NUBPL: variants seen among roughly 807,000 people sequenced by gnomAD.
The protein encoded by NUBPL is NUBP iron-sulfur cluster assembly factor, mitochondrial, also known as iron-sulfur cluster transfer protein NUBPL.
In NUBPL, 31 loss-of-function variants were observed where a neutral mutation model predicts 45.7. That is an observed-to-expected ratio of 0.68 (90% CI 0.51 to 0.92). The LOEUF is 0.92. Among genes scored for constraint, NUBPL ranks in the 40% least tolerant of loss-of-function variants. The pLI is 0.00. For missense variants in NUBPL, 401 were observed against 398.7 expected (o/e 1.01, Z -0.05); for synonymous variants, 144 against 140.9 (o/e 1.02, Z -0.15).
At position 31,798,173 on chromosome 14, in the gene NUBPL, A is replaced by C. The variant is rs113329978; in HGVS notation, c.607+10300A>C. Among the ~76,000 whole-genome samples, 1,321 of 152,020 alleles carry C rather than the reference A, an allele frequency of 8.7e-3. 12 individuals carry two copies. The highest frequency in any genetic ancestry group is 0.015 in the Non-Finnish European group (1,001 of 67,978). ...GCTGATTCATTCCTATGAGTGCCTC[A>C]CCCTGACTGCTTCTCACCCAAGTGT... On this transcript the variant is annotated intron_variant, in intron 7 of 10. Transcript: ENST00000281081.
intron 6 of NUBPL, among the ~76,000 whole-genome samples, chr14:31,706,584 A>T (rs1016380430): frequency 2.0e-5 from 3 of 152,160 alleles, no homozygotes; most frequent in African/African-American, 7.2e-5. Context: ...GGCATCTTCT[A>T]CTATCCCTTA....
chr14:31,637,002 TG>T (rs1223172414), intron 4 of NUBPL, among the ~76,000 whole-genome samples: 2 of 152,230 alleles, frequency 1.3e-5, no homozygotes, highest in African/African-American at 4.8e-5. Context: ...TTAGTCTTGC[TG>T]GTGGTCTATC....
intron 3 of NUBPL, among the ~76,000 whole-genome samples, chr14:31,576,012 A>T (rs539578564): frequency 3.5e-4 from 54 of 152,346 alleles, no homozygotes; most frequent in African/African-American, 1.2e-3. Flanking sequence ...GTTCACTGAG[A>T]GAGGGGCTCA....
chr14:31,732,609 C>CTTTTTTTTTT (rs71986817), intron 6 of NUBPL, among the ~76,000 whole-genome samples: 17 of 81,042 alleles, frequency 2.1e-4, no homozygotes, highest in East Asian at 4.0e-4. Flanking sequence ...AATTTGTTCT[C>CTTTTTTTTTT]TTTTTTTTTT....
In NUBPL at chr14:31,660,743, T is replaced by C. The variant is rs946539337; in HGVS notation, c.383-12612T>C. Reference sequence around the variant, plus strand: ...TTAGACATATATTCCTGAACCATGGTGTTCAGCTACATTTCAAACTCTTTA... The same window carrying C: ...TTAGACATATATTCCTGAACCATGGCGTTCAGCTACATTTCAAACTCTTTA... On this transcript the variant is annotated intron_variant, in intron 4 of 10. Transcript: ENST00000281081. 5.9e-5 allele frequency among the ~76,000 whole-genome samples: 9 copies of C among 152,138 alleles called. No homozygotes were observed. The South Asian group carries it at 6.2e-4, about 10-fold the overall frequency.
At chr14:31,786,607 C>T (rs1167985689) in intron 6 of NUBPL, among the ~76,000 whole-genome samples, 3 of 152,180 alleles carry the variant, frequency 2.0e-5, no homozygotes, top group Non-Finnish European at 4.4e-5. Flanking sequence ...ACCATTTAAT[C>T]GTCAATACCT....
intron 3 of NUBPL, among the ~76,000 whole-genome samples, chr14:31,572,952 T>C (rs2033627795): frequency 6.6e-6 from 1 of 152,166 alleles, no homozygotes. Flanking sequence ...ACAGTAAAAA[T>C]ATAGTATAAA....
intron 6 of NUBPL, among the ~76,000 whole-genome samples, chr14:31,723,294 G>A (rs954304399): frequency 6.6e-6 from 1 of 152,010 alleles, no homozygotes; most frequent in African/African-American, 2.4e-5. Context: ...CTGTTCCATT[G>A]GTCTATGCAC....
intron 3 of NUBPL, among the ~76,000 whole-genome samples, chr14:31,573,135 C>G (rs756104287): frequency 5.3e-5 from 8 of 152,154 alleles, no homozygotes; most frequent in Non-Finnish European, 8.8e-5. Context: ...TCACCATAAA[C>G]ACGTGAATCA....
At chr14:31,597,863 T>C (rs1555315509) in intron 3 of NUBPL, among the ~76,000 whole-genome samples, 1 of 151,636 alleles carries the variant, frequency 6.6e-6, no homozygotes, top group Non-Finnish European at 1.5e-5. Context: ...GCCATATTTC[T>C]AGATTTAGGT....
rs539436509 is a variant in NUBPL at position 31,583,128 on chromosome 14, AG to A, written c.292-16160del. Among the ~76,000 whole-genome samples the A allele has an allele frequency of 3.3e-5, 5 of 152,342 alleles. No individual in the cohort carries two copies. The South Asian group carries it at 1.0e-3, about 32-fold the overall frequency. The stretch of plus-strand genomic sequence containing the variant: ...ATTTTTATACATGATTAGATAGGGA[AG>A]ATGGAAGCCAGCTGTTTAAATGCAT... On this transcript the variant is annotated intron_variant, in intron 3 of 10. Transcript: ENST00000281081.
rs548702511 is a variant in NUBPL at position 31,659,847 on chromosome 14, T to C, written c.383-13508T>C. ...CCACATGAGAAAATGAGAGTTTTGATTGTGGAAAGGATGAATTGGAAAAGA... is the reference window on the plus strand; with the variant it reads ...CCACATGAGAAAATGAGAGTTTTGACTGTGGAAAGGATGAATTGGAAAAGA... On this transcript the variant is annotated intron_variant, in intron 4 of 10. Coordinates refer to ENST00000281081, the MANE Select transcript of NUBPL (RefSeq NM_025152.3). 1.3e-4 allele frequency among the ~76,000 whole-genome samples: 20 copies of C among 152,250 alleles called. No homozygotes were observed. In the South Asian group the frequency reaches 3.9e-3, roughly 30 times the overall value.
rs186654501 is a variant in NUBPL at position 31,707,242 on chromosome 14, T to A, written c.513+33668T>A. On this transcript the variant is annotated intron_variant, in intron 6 of 10. Transcript: ENST00000281081. ...ACGGATTGTCAGTGGCCTCAGTGCT[T>A]TCGGGCTATGCCCTTGTTTACACTG... Among the ~76,000 whole-genome samples the A allele has an allele frequency of 2.0e-3, 304 of 152,370 alleles. 1 individual carries two copies. The highest frequency in any genetic ancestry group is 6.7e-3 in the African/African-American group (280 of 41,590).
chr14:31,667,424 A>G (rs1214928681), intron 4 of NUBPL, among the ~76,000 whole-genome samples: 1 of 151,768 alleles, frequency 6.6e-6, no homozygotes, highest in Non-Finnish European at 1.5e-5. Context: ...TCTTCTCTAA[A>G]CTGGTTATTC....
At chr14:31,810,086 A>G (rs1472066566) in intron 7 of NUBPL, among the ~76,000 whole-genome samples, 1 of 152,170 alleles carries the variant, frequency 6.6e-6, no homozygotes, top group Admixed American at 6.5e-5. Context: ...AGAAGAATGT[A>G]TATTCTGTTG....
At chr14:31,645,287 CG>C in intron 4 of NUBPL, among the ~76,000 whole-genome samples, 1 of 152,104 alleles carries the variant, frequency 6.6e-6, no homozygotes, top group African/African-American at 2.4e-5. Context: ...AGGATGGTCT[CG>C]ATCTCCTGAC....
intron 4 of NUBPL, among the ~76,000 whole-genome samples, chr14:31,654,963 A>G (rs2036106803): frequency 6.6e-6 from 1 of 152,146 alleles, no homozygotes; most frequent in Non-Finnish European, 1.5e-5. Flanking sequence ...CATCTCAAGA[A>G]AGTACTTTCT....
chr14:31,846,711 C>T (rs1259213556), intron 9 of NUBPL, 120 bp downstream of exon 9: 35 of 1,481,826 alleles, frequency 2.4e-5, no homozygotes, highest in Non-Finnish European at 3.2e-5. Context: ...AATCCCAGCA[C>T]TTTGGGAGGT....
chr14:31,779,331 T>C (rs2039152009), intron 6 of NUBPL, among the ~76,000 whole-genome samples: 1 of 148,958 alleles, frequency 6.7e-6, no homozygotes, highest in Non-Finnish European at 1.5e-5. Flanking sequence ...AGAATAAAAC[T>C]CCATCTCAAA....
Sources: allele counts gnomAD v4.1 joint callset (sites outside exome capture counted in the v4.1 genomes callset), GRCh38; gene constraint gnomAD v4.1.1; transcripts MANE v1.5; gene names NCBI Gene and HGNC (gene_info 2026-07-23, HGNC 2026-07-21).